The following SLC18B1 variants were observed in gnomAD, a reference collection of about 807,000 sequenced individuals.
SLC18B1 encodes solute carrier family 18 member B1, also known as MFS-type transporter SLC18B1.
SLC18B1 carries 62 observed loss-of-function variants against 53.9 expected under a neutral mutation model. The observed-to-expected ratio is 1.15, with a 90% CI of 0.94 to 1.42. The LOEUF is 1.42. Ranked by LOEUF, SLC18B1 falls within the 40% of genes most tolerant of loss-of-function variation. The pLI is 0.00. For synonymous variants in SLC18B1, 217 were observed against 200.9 expected, an observed-to-expected ratio of 1.08 and a Z score of -0.68; for missense variants, 598 against 547.3, an observed-to-expected ratio of 1.09 and a Z score of -0.93.
At chr6:132,783,192 G>C (rs1781279316) in intron 6 of SLC18B1, among the ~76,000 whole-genome samples, 1 of 151,132 alleles carries the variant, frequency 6.6e-6, no homozygotes, top group Non-Finnish European at 1.5e-5. Context: ...ATTTTTTGAG[G>C]GGGTGGAAGA....
At chr6:132,780,565 G>GTTTTTTTTTTTTTTTTTTTT in intron 6 of SLC18B1, among the ~76,000 whole-genome samples, 1 of 75,902 alleles carries the variant, frequency 1.3e-5, no homozygotes, top group Non-Finnish European at 2.3e-5. Flanking sequence ...CGTGGTGTTA[G>GTTTTTTTTTTTTTTTTTTTT]TTTTTTTTTT....
At position 132,798,448 on chromosome 6, in the gene SLC18B1, C is replaced by T. The variant is rs767357183; in HGVS notation, c.9G>A (p.Ala3=). 9.8e-6 allele frequency: 15 copies of T among 1,524,670 alleles called. No individual in the cohort carries two copies. The highest frequency in any genetic ancestry group is 9.8e-5 in the African/African-American group (7 of 71,544). 94.4% of individuals were successfully genotyped at this position (1,524,670 alleles called of 1,614,324 possible). The change falls in exon 1 of 14, where the codon GCG becomes GCA. Residue 3 remains alanine (A), a synonymous_variant. Coordinates refer to ENST00000275227, the MANE Select transcript of SLC18B1 (RefSeq NM_052831.3). ...CGCGTGGTCCCTCCAGGTCACCCAG[C>T]GCCTCCATCCCCGGTGCGTGGACTC... ME[A]LGDLEGPRAP...
rs573567211 is a variant in SLC18B1, at chr6:132,773,014, G to A, written c.1064C>T (p.Pro355Leu). The change falls in exon 10 of 14, where the codon CCG (proline) becomes CTG (leucine). Residue 355 changes from proline to leucine, a missense_variant. Pro to Leu is a moderately conservative substitution (Grantham distance 98). Coordinates refer to ENST00000275227, the MANE Select transcript of SLC18B1 (RefSeq NM_052831.3). The stretch of plus-strand genomic sequence containing the variant: ...TTACTGTGCACAACTGAGAATTTCC[G>A]GGAAAGTTGGAATTATACTCATTCC... ...SAGMSIIPTFPEILSCAHENG... is the reference protein window; with the variant it reads ...SAGMSIIPTFLEILSCAHENG... 30 of 1,613,592 alleles carry A rather than the reference G, an allele frequency of 1.9e-5. 1 individual carries two copies. Among genetic ancestry groups the A allele is most frequent in the East Asian group, 1.3e-4 (6 of 44,848 alleles).
At chr6:132,780,878 A>G (rs1781218912) in intron 6 of SLC18B1, among the ~76,000 whole-genome samples, 1 of 152,016 alleles carries the variant, frequency 6.6e-6, no homozygotes, top group African/African-American at 2.4e-5. Flanking sequence ...TTTCTTAATT[A>G]TAAGCCAAGT....
At position 132,797,070 on chromosome 6, in the gene SLC18B1, T is replaced by C. The variant is rs1006917017; in HGVS notation, c.95A>G (p.Glu32Gly). ...TGCCGATATCAGTACAAAAACCTGTTCTCTCGAAAGCCACCCGGGGGTCTC... is the reference window on the plus strand; with the variant it reads ...TGCCGATATCAGTACAAAAACCTGTCCTCTCGAAAGCCACCCGGGGGTCTC... ...AGETPGWLSR[E>G]QVFVLISAAS... The change falls in exon 2 of 14, where the codon GAA (glutamate) becomes GGA (glycine). Residue 32 changes from glutamate to glycine, a missense_variant. Physicochemically the swap from Glu to Gly is moderately conservative, Grantham distance 98. Coordinates refer to ENST00000275227, the MANE Select transcript of SLC18B1 (RefSeq NM_052831.3). The C allele has an allele frequency of 6.2e-7, 1 of 1,613,976 alleles. No homozygotes were observed. Among genetic ancestry groups the C allele is most frequent in the African/African-American group, 1.3e-5 (1 of 74,904 alleles).
rs1322552517 is a variant in SLC18B1 at position 132,779,264 on chromosome 6, T to C, written c.795+4A>G. 6.2e-7 allele frequency: 1 copy of C among 1,613,656 alleles called. No individual in the cohort carries two copies. Among genetic ancestry groups the C allele is most frequent in the African/African-American group, 1.3e-5 (1 of 74,986 alleles). Reference sequence around the variant, plus strand: ...CAGCACTCTTCAGCAATCAGGTAACTTACCTTCTCCAAAACAAAGAGAGAC... The same window carrying C: ...CAGCACTCTTCAGCAATCAGGTAACCTACCTTCTCCAAAACAAAGAGAGAC... On this transcript the variant is annotated splice_donor_region_variant and intron_variant, in intron 7 of 13. Coordinates refer to ENST00000275227, the MANE Select transcript of SLC18B1 (RefSeq NM_052831.3).
At chr6:132,786,342 G>A (rs1472189724) in intron 5 of SLC18B1, among the ~76,000 whole-genome samples, 1 of 151,956 alleles carries the variant, frequency 6.6e-6, no homozygotes, top group Non-Finnish European at 1.5e-5. Context: ...TCAGGAGATC[G>A]AGACCATCCT....
intron 5 of SLC18B1, 54 bp from the exon 6 acceptor site, chr6:132,784,143 C>T (rs868071414): frequency 1.4e-6 from 2 of 1,432,972 alleles, no homozygotes; most frequent in Middle Eastern, 1.9e-4. Context: ...GAAGAATTAA[C>T]ATGGTACTAT....
At chr6:132,787,056 G>C (rs773316716) in intron 5 of SLC18B1, among the ~76,000 whole-genome samples, 4 of 152,168 alleles carry the variant, frequency 2.6e-5, no homozygotes, top group Non-Finnish European at 5.9e-5. Flanking sequence ...TGATTATTTT[G>C]CCACTAGGGA....
chr6:132,781,540 C>T (rs899573764), intron 6 of SLC18B1, among the ~76,000 whole-genome samples: 5 of 151,964 alleles, frequency 3.3e-5, no homozygotes, highest in African/African-American at 9.7e-5. Flanking sequence ...GGGTGGATCA[C>T]GAGGGTAGGA....
chr6:132,789,905 T>A (rs759221279), intron 3 of SLC18B1, 68 bp from the exon 4 acceptor site: 1 of 1,076,746 alleles, frequency 9.3e-7, no homozygotes, highest in African/African-American at 1.6e-5. Flanking sequence ...TATAAACAAA[T>A]CCACTGTATT....
In SLC18B1 at chr6:132,798,526, A is replaced by T; in HGVS notation, c.-70T>A. On this transcript the variant is annotated 5_prime_UTR_variant, in exon 1 of 14. Transcript: ENST00000275227. Reference sequence around the variant, plus strand: ...ACGTCCTTGGACTCGACCTCCAAGGAGCCACTGGCACTCTGGCGGGCGGCC... The same window carrying T: ...ACGTCCTTGGACTCGACCTCCAAGGTGCCACTGGCACTCTGGCGGGCGGCC... 7.2e-7 allele frequency: 1 copy of T among 1,380,168 alleles called. No individual in the cohort carries two copies. Among genetic ancestry groups the T allele is most frequent in the East Asian group, 2.9e-5 (1 of 34,842 alleles). 85.5% of individuals were successfully genotyped at this position (1,380,168 alleles called of 1,614,324 possible). A position where few individuals can be genotyped will look rare whatever the true frequency, so the allele number is the denominator to read the frequency against.
chr6:132,787,625 T>C lies in SLC18B1; in HGVS notation c.354-44A>G, dbSNP rs752279948. 90 of 394,318 alleles carry C rather than the reference T, an allele frequency of 2.3e-4. No homozygotes were observed. In the African/African-American group the frequency reaches 3.2e-3, roughly 14 times the overall value. 24.4% of individuals were successfully genotyped at this position (394,318 alleles called of 1,614,324 possible). On this transcript the variant is annotated intron_variant, in intron 4 of 13. Transcript: ENST00000275227. ...ATTCTGAAATGCCAAGCTGGTTTTC[T>C]TTTTTTTTTTTTCCTTTTTAACTGT...
intron 4 of SLC18B1, 38 bp from the exon 5 acceptor site, chr6:132,787,619 G>GTT (rs747175847): frequency 2.1e-6 from 3 of 1,456,904 alleles, no homozygotes; most frequent in South Asian, 1.5e-5. Flanking sequence ...TGCCAAGCTG[G>GTT]TTTTCTTTTT....
rs757232210 is a variant in SLC18B1, at chr6:132,779,328, G to C, written c.735C>G (p.Asn245Lys). 2.2e-5 allele frequency: 36 copies of C among 1,613,890 alleles called. No individual in the cohort carries two copies. The highest frequency in any genetic ancestry group is 8.5e-7 in the Non-Finnish European group (1 of 1,179,990). ...GGAAGCCAAAACACGAGCTGAGTGA[G>C]TTGATGACGAAGGCTATAAGGCCAA... ...PKVGLIAFVI[N>K]SLSSCFGFLD... The change falls in exon 7 of 14, where the codon AAC becomes AAG. Residue 245 changes from asparagine (N) to lysine (K), a missense_variant. By Grantham distance (94) the Asn-to-Lys change is moderately conservative (BLOSUM62 0). Coordinates refer to ENST00000275227, the MANE Select transcript of SLC18B1 (RefSeq NM_052831.3).
chr6:132,786,332 T>A (rs1171299660), intron 5 of SLC18B1, among the ~76,000 whole-genome samples: 1 of 151,716 alleles, frequency 6.6e-6, no homozygotes, highest in Non-Finnish European at 1.5e-5. Context: ...GATCACGAGG[T>A]CAGGAGATCG....
chr6:132,779,242 C>T (rs1168950711), intron 7 of SLC18B1, 26 bp downstream of exon 7: 2 of 1,611,738 alleles, frequency 1.2e-6, no homozygotes, highest in Non-Finnish European at 1.7e-6. Context: ...TACAATGCAG[C>T]ACTCTTCAGC....
Position 132,774,166 on chromosome 6 carries a change from T to C in SLC18B1, c.989+56A>G, listed in dbSNP as rs1781043827. 4 of 1,363,072 alleles carry C rather than the reference T, an allele frequency of 2.9e-6. No individual in the cohort carries two copies. In the Admixed American group the frequency reaches 8.5e-5, roughly 29 times the overall value. 84.4% of individuals were successfully genotyped at this position (1,363,072 alleles called of 1,614,324 possible). On this transcript the variant is annotated intron_variant, in intron 9 of 13. Coordinates refer to ENST00000275227, the MANE Select transcript of SLC18B1 (RefSeq NM_052831.3). ...CTATACCAATGTTAAAACAAAATTT[T>C]TCGAAATAATTCCTAATGTTATTTG...
rs1160237067 is a variant in SLC18B1 at position 132,771,096 on chromosome 6, C to T, written c.1194G>A (p.Leu398=). The change falls in exon 12 of 14, where the codon CTG becomes CTA. Residue 398 remains leucine, a synonymous_variant. Transcript: ENST00000275227. ...AFMGPTLGGF[L]YEKIGFEWAA... ...CCCATTCAAAACCAATTTTCTCATA[C>T]AGAAATCCACCCAGCGTTGGTCCCA... 3 of 1,614,110 alleles carry T rather than the reference C, an allele frequency of 1.9e-6. No individual in the cohort carries two copies. Among genetic ancestry groups the T allele is most frequent in the South Asian group, 2.2e-5 (2 of 91,088 alleles).
Sources: gnomAD v4.1 joint callset for allele counts (sites outside exome capture counted in the v4.1 genomes callset) on GRCh38, gnomAD v4.1.1 for gene constraint, MANE v1.5 for transcripts, NCBI Gene and HGNC (gene_info 2026-07-23, HGNC 2026-07-21) for gene names.